The following HSPH1 variants were observed in gnomAD, a reference collection of about 807,000 sequenced individuals.
HSPH1 encodes heat shock protein family H (Hsp110) member 1, also known as heat shock protein 105 kDa.
A neutral mutation model predicts 100.0 loss-of-function variants in HSPH1; 40 were observed. That is an observed-to-expected ratio of 0.40 (90% CI 0.31 to 0.52). The LOEUF is 0.52. Ranked by LOEUF, HSPH1 falls within the 20% of genes least tolerant of loss-of-function variation. The pLI is 0.54. For synonymous variants in HSPH1, 403 were observed against 344.0 expected (o/e 1.17, Z -1.90); for missense variants, 876 against 1,015.1 (o/e 0.86, Z 1.86).
rs372275012 is a variant in HSPH1, at chr13:31,139,033, T to C, written c.2055A>G (p.Lys685=). ...CTTCCAACTTGTCAACATATGCTTG[T>C]TTAGCTTGGTCCTCTCCTTCTTCAT... ...WLYEEGEDQA[K]QAYVDKLEEL... The change falls in exon 15 of 18, where the codon AAA becomes AAG. Residue 685 remains lysine, a synonymous_variant. Coordinates refer to ENST00000320027, the MANE Select transcript of HSPH1 (RefSeq NM_006644.4). 103 of 1,612,968 alleles carry C rather than the reference T, an allele frequency of 6.4e-5. No homozygotes were observed. Among genetic ancestry groups the C allele is most frequent in the Non-Finnish European group, 8.5e-5 (100 of 1,179,216 alleles).
chr13:31,150,842 A>G, intron 7 of HSPH1, 105 bp downstream of exon 7: 4 of 1,160,144 alleles, frequency 3.4e-6, no homozygotes, highest in Non-Finnish European at 4.9e-6. Flanking sequence ...GTAACACACA[A>G]TTCTGAAATG....
At chr13:31,156,288 G>A (rs769519772) in intron 2 of HSPH1, among the ~76,000 whole-genome samples, 3 of 152,138 alleles carry the variant, frequency 2.0e-5, no homozygotes, top group African/African-American at 7.2e-5. Flanking sequence ...TACTCGGGAG[G>A]CTGAGGCAGG....
chr13:31,161,768 G>T lies in HSPH1; in HGVS notation c.-186C>A. Reference sequence around the variant, plus strand: ...CCTGTCAGGAGCCTCCTACTCCCCCGGGGACAGCGGCGGCTGGCTGATAAG... The same window carrying T: ...CCTGTCAGGAGCCTCCTACTCCCCCTGGGACAGCGGCGGCTGGCTGATAAG... On this transcript the variant is annotated 5_prime_UTR_variant, in exon 1 of 18. Coordinates refer to ENST00000320027, the MANE Select transcript of HSPH1 (RefSeq NM_006644.4). 1 of 1,508,760 alleles carries T rather than the reference G, an allele frequency of 6.6e-7. No individual in the cohort carries two copies. The highest frequency in any genetic ancestry group is 8.8e-7 in the Non-Finnish European group (1 of 1,130,462). The allele number at this position is 1,508,760 out of a possible 1,614,324, so 93.5% of individuals were successfully genotyped here.
In HSPH1 at chr13:31,151,045, A is replaced by G; in HGVS notation, c.810T>C (p.Cys270=). ...AGCTCATTAGCTTTTTCAGTTTTTC[A>G]CATTCCTGATACAGACGTAGGAGTG... ...IRALLRLYQE[C]EKLKKLMSSN... Residue 270 remains cysteine, a synonymous_variant, in exon 7 of 18, where the codon TGT becomes TGC. Transcript: ENST00000320027. 1 of 1,613,850 alleles carries G rather than the reference A, an allele frequency of 6.2e-7. No individual in the cohort carries two copies. The highest frequency in any genetic ancestry group is 1.1e-5 in the South Asian group (1 of 91,080).
rs1956919101 is a variant in HSPH1 at position 31,161,640 on chromosome 13, C to A, written c.-58G>T. The A allele has an allele frequency of 1.3e-6, 2 of 1,596,950 alleles. No individual in the cohort carries two copies. The highest frequency in any genetic ancestry group is 1.7e-6 in the Non-Finnish European group (2 of 1,176,860). On this transcript the variant is annotated 5_prime_UTR_variant, in exon 1 of 18. Transcript: ENST00000320027. Reference sequence around the variant, plus strand: ...TCGGTCTGCGTCCTCCGGCCCCCTGCCTGCTTCTCCTGCCGCCGCTTTCTG... The same window carrying A: ...TCGGTCTGCGTCCTCCGGCCCCCTGACTGCTTCTCCTGCCGCCGCTTTCTG...
intron 10 of HSPH1, among the ~76,000 whole-genome samples, 199 bp from the exon 11 acceptor site, chr13:31,145,967 T>TA (rs1287159279): frequency 8.6e-5 from 13 of 151,490 alleles, no homozygotes; most frequent in African/African-American, 3.2e-4. Flanking sequence ...AAATACAAAT[T>TA]AAAAAAATGA....
upstream of HSPH1, chr13:31,162,006 G>T (rs1375101922): frequency 6.5e-7 from 1 of 1,535,996 alleles, no homozygotes; most frequent in African/African-American, 1.4e-5. Context: ...GCCCCTCCAC[G>T]TGCCACTTCC....
chr13:31,161,864 C>CA lies in HSPH1; in HGVS notation c.-283_-282insT. The CA allele has an allele frequency of 6.7e-7, 1 of 1,483,810 alleles. No homozygotes were observed. The highest frequency in any genetic ancestry group is 8.9e-7 in the Non-Finnish European group (1 of 1,118,908). 91.9% of individuals were successfully genotyped at this position (1,483,810 alleles called of 1,614,324 possible). A position where few individuals can be genotyped will look rare whatever the true frequency, so the allele number is the denominator to read the frequency against. On this transcript the variant is annotated 5_prime_UTR_variant, in exon 1 of 18. Coordinates refer to ENST00000320027, the MANE Select transcript of HSPH1 (RefSeq NM_006644.4). ...ACCTCGGGTTGCCTGCCTCACTCTG[C>CA]CGCGGCTCGCACACCGGCGCCGGCG...
Position 31,137,181 on chromosome 13 carries a change from T to C in HSPH1, c.*137A>G, listed in dbSNP as rs2580. On this transcript the variant is annotated 3_prime_UTR_variant, in exon 18 of 18. Coordinates refer to ENST00000320027, the MANE Select transcript of HSPH1 (RefSeq NM_006644.4). ...AAAGACTACAGACTTAAGCTTTTTT[T>C]CTTTTTCCATATAATACACAAAATT... 2 of 734,076 alleles carry C rather than the reference T, an allele frequency of 2.7e-6. No homozygotes were observed. The highest frequency in any genetic ancestry group is 3.2e-5 in the South Asian group (2 of 63,072). The allele number at this position is 734,076 out of a possible 1,614,324, so 45.5% of individuals were successfully genotyped here.
Position 31,137,386 on chromosome 13 carries a change from C to T in HSPH1, c.2509G>A (p.Glu837Lys). 6.2e-7 allele frequency: 1 copy of T among 1,613,432 alleles called. No individual in the cohort carries two copies. Among genetic ancestry groups the T allele is most frequent in the Non-Finnish European group, 8.5e-7 (1 of 1,179,538 alleles). Residue 837 changes from glutamate (E) to lysine (K), a missense_variant, in exon 18 of 18, where the codon GAA becomes AAA. By Grantham distance (56) the Glu-to-Lys change is moderately conservative. Coordinates refer to ENST00000320027, the MANE Select transcript of HSPH1 (RefSeq NM_006644.4). ...CATTCACCATTCTGATGTGGAGGTT[C>T]AGCACCAAAATTGTTTTTGTCTTCT... The part of the protein sequence containing the change: ...DLEDKNNFGA[E>K]PPHQNGECYP...
chr13:31,158,779 T>G (rs779004180), intron 2 of HSPH1, 27 bp downstream of exon 2: 1 of 1,503,556 alleles, frequency 6.7e-7, no homozygotes, highest in South Asian at 1.1e-5. Context: ...CCTTAAAAAG[T>G]GATCCGAATT....
rs1955861790 is a variant in HSPH1 at position 31,135,453 on chromosome 13, A to T, written c.*1865T>A. On this transcript the variant is annotated 3_prime_UTR_variant, in exon 18 of 18. Coordinates refer to ENST00000320027, the MANE Select transcript of HSPH1 (RefSeq NM_006644.4). ...ACATATTAACTGCATAAAAATTTAA[A>T]GTTGCTAAATGGTAAAGCAGCTAGA... is the stretch of plus-strand genomic sequence containing the variant. 1 of 152,262 alleles carries T rather than the reference A, an allele frequency of 6.6e-6. No homozygotes were observed. Among genetic ancestry groups the T allele is most frequent in the Non-Finnish European group, 1.5e-5 (1 of 68,046 alleles). 9.4% of individuals were successfully genotyped at this position (152,262 alleles called of 1,614,324 possible).
At chr13:31,146,208 T>C (rs1199180856) in intron 10 of HSPH1, among the ~76,000 whole-genome samples, 2 of 152,258 alleles carry the variant, frequency 1.3e-5, no homozygotes, top group East Asian at 3.9e-4. Context: ...AAATAACACT[T>C]GAGAACTGCT....
intron 12 of HSPH1, 147 bp downstream of exon 12, chr13:31,143,645 T>A (rs554912167): frequency 1.9e-4 from 132 of 711,280 alleles, no homozygotes; most frequent in Non-Finnish European, 2.8e-4. Flanking sequence ...TGGTTTTAGT[T>A]GAAAAATACA....
upstream of HSPH1, chr13:31,161,970 G>T (rs1176954893): frequency 6.5e-7 from 1 of 1,535,950 alleles, no homozygotes; most frequent in Non-Finnish European, 8.7e-7. Context: ...AGAATCTGCG[G>T]CATTTACTCA....
chr13:31,142,568 C>A (rs1242219720), intron 12 of HSPH1, among the ~76,000 whole-genome samples: 1 of 152,042 alleles, frequency 6.6e-6, no homozygotes, highest in African/African-American at 2.4e-5. Context: ...AGCACATGTA[C>A]GGAAGTTAAA....
In HSPH1 at chr13:31,150,123, GAAT is replaced by G. The variant is rs757049292; in HGVS notation, c.965_967del (p.Tyr322del). 1 of 1,612,492 alleles carries G rather than the reference GAAT, an allele frequency of 6.2e-7. No homozygotes were observed. Among genetic ancestry groups the G allele is most frequent in the South Asian group, 1.1e-5 (1 of 91,012 alleles). On this transcript the variant is annotated inframe_deletion, in exon 8 of 18. Transcript: ENST00000320027. ...TTTGAGATGAGTTTGTTCCAACAGT[GAAT>G]AAAGGGGTACTTCTATCTTTTGCAG...
At chr13:31,151,814 C>A in intron 5 of HSPH1, 72 bp from the exon 6 acceptor site, 1 of 1,329,802 alleles carries the variant, frequency 7.5e-7, no homozygotes, top group Non-Finnish European at 1.0e-6. Flanking sequence ...CATAAAATTA[C>A]ACATGCAGGA....
At chr13:31,160,318 G>A (rs867803424) in intron 1 of HSPH1, among the ~76,000 whole-genome samples, 2 of 152,132 alleles carry the variant, frequency 1.3e-5, no homozygotes, top group Non-Finnish European at 2.9e-5. Flanking sequence ...AGGTTGCTCA[G>A]AACAGTCTTC....
Sources: gnomAD v4.1 joint callset for allele counts (sites outside exome capture counted in the v4.1 genomes callset) on GRCh38, gnomAD v4.1.1 for gene constraint, MANE v1.5 for transcripts, NCBI Gene and HGNC (gene_info 2026-07-23, HGNC 2026-07-21) for gene names.